Variants in SLC5A4 observed in about 807,000 individuals in gnomAD.
SLC5A4 encodes the protein probable glucose sensor protein SLC5A4.
SLC5A4 carries 55 observed loss-of-function variants against 70.3 expected under a neutral mutation model. The observed-to-expected ratio is 0.78, with a 90% confidence interval of 0.63 to 0.98. SLC5A4 has a LOEUF of 0.98. SLC5A4 is among the 50% of genes least tolerant of loss of function. The pLI, the probability that SLC5A4 is intolerant of heterozygous loss-of-function variation, is 0.00. For missense variants in SLC5A4, 735 were observed against 839.2 expected (o/e 0.88, Z 1.53); for synonymous variants, 268 against 305.7 (o/e 0.88, Z 1.29).
chr22:32,237,968 C>T (rs1926159693), intron 6 of SLC5A4, among the ~76,000 whole-genome samples: 1 of 152,174 alleles, frequency 6.6e-6, no homozygotes, highest in South Asian at 2.1e-4. Context: ...AACACATGCT[C>T]TGTGAAAGTT....
chr22:32,262,299 AG>A, the SLC5A4 span, among the ~76,000 whole-genome samples: 1 of 152,148 alleles, frequency 6.6e-6, no homozygotes, highest in East Asian at 1.9e-4. Flanking sequence ...ATAGTGTGTG[AG>A]GGCTCCAAGG....
rs754784184 is a variant in SLC5A4, at chr22:32,248,742, C to A, written c.372+1G>T. 1 of 1,608,266 alleles carries A rather than the reference C, an allele frequency of 6.2e-7. No individual in the cohort carries two copies. The highest frequency in any genetic ancestry group is 1.7e-5 in the Admixed American group (1 of 60,016). On this transcript the variant is annotated splice_donor_variant, in intron 4 of 14. Transcript: ENST00000266086. LOFTEE classifies it high-confidence loss of function. ...CTGGCATTTTGGTAACAGATACTCACCCCCGACTTGATGTAGATAGGGACA... is the reference window on the plus strand; with the variant it reads ...CTGGCATTTTGGTAACAGATACTCAACCCCGACTTGATGTAGATAGGGACA...
chr22:32,333,086 T>C, the SLC5A4 span, among the ~76,000 whole-genome samples: 4 of 152,014 alleles, frequency 2.6e-5, no homozygotes, highest in African/African-American at 9.7e-5. Flanking sequence ...AAGGGGAAAG[T>C]GAGGCCGAGG....
At chr22:32,310,295 A>C in the SLC5A4 span, among the ~76,000 whole-genome samples, 9 of 152,234 alleles carry the variant, frequency 5.9e-5, no homozygotes, top group East Asian at 1.4e-3. Context: ...TTAAATACCC[A>C]TCTGACTCCT....
chr22:32,322,239 C>A, the SLC5A4 span, among the ~76,000 whole-genome samples: 14 of 152,294 alleles, frequency 9.2e-5, no homozygotes, highest in South Asian at 6.2e-4. Flanking sequence ...CGCGTCCTCA[C>A]CTGCCCTCCT....
At chr22:32,246,120 A>G (rs1006217638) in intron 5 of SLC5A4, among the ~76,000 whole-genome samples, 1 of 152,250 alleles carries the variant, frequency 6.6e-6, no homozygotes. Context: ...ATTTACATGT[A>G]TTGTCATATG....
the SLC5A4 span, chr22:32,327,212 AAAC>A: frequency 6.6e-6 from 1 of 152,406 alleles, no homozygotes; most frequent in Non-Finnish European, 1.5e-5. Context: ...TAGAAGGTGG[AAAC>A]AACAGAAGTT....
At chr22:32,240,022 C>CAATAAA (rs1491569019) in intron 5 of SLC5A4, among the ~76,000 whole-genome samples, 3 of 74,104 alleles carry the variant, frequency 4.0e-5, no homozygotes, top group South Asian at 5.1e-4. Flanking sequence ...GACTCCATCT[C>CAATAAA]AAAAAAAAAA....
At chr22:32,334,746 A>T in the SLC5A4 span, among the ~76,000 whole-genome samples, 1 of 152,214 alleles carries the variant, frequency 6.6e-6, no homozygotes, top group Non-Finnish European at 1.5e-5. Flanking sequence ...GGAGGACGTC[A>T]GCGGCACTCC....
chr22:32,347,738 A>G, the SLC5A4 span, among the ~76,000 whole-genome samples: 1 of 151,250 alleles, frequency 6.6e-6, no homozygotes, highest in Non-Finnish European at 1.5e-5. Context: ...ATAGTATTAG[A>G]AGATATACCT....
the SLC5A4 span, among the ~76,000 whole-genome samples, chr22:32,299,857 T>C: frequency 8.0e-6 from 1 of 124,488 alleles, no homozygotes; most frequent in Non-Finnish European, 1.8e-5. Flanking sequence ...TTCTGTTTGT[T>C]AGTTTTCCTT....
the SLC5A4 span, among the ~76,000 whole-genome samples, chr22:32,292,140 T>TAATATATA: frequency 3.9e-5 from 2 of 50,720 alleles, no homozygotes; most frequent in Non-Finnish European, 4.1e-5. Flanking sequence ...ATATTATATA[T>TAATATATA]TATATTCTAT....
the SLC5A4 span, among the ~76,000 whole-genome samples, chr22:32,295,532 G>A: frequency 1.9e-5 from 2 of 106,660 alleles, 1 homozygote; most frequent in Non-Finnish European, 4.1e-5. Flanking sequence ...ATTTGTTTGA[G>A]TTCATTGTAG....
the SLC5A4 span, among the ~76,000 whole-genome samples, chr22:32,300,219 C>T: frequency 1.3e-5 from 2 of 152,036 alleles, no homozygotes; most frequent in Admixed American, 1.3e-4. Flanking sequence ...TTTACCTAAT[C>T]AAGCCTGGGC....
chr22:32,328,618 T>C, the SLC5A4 span, among the ~76,000 whole-genome samples: 1 of 149,054 alleles, frequency 6.7e-6, no homozygotes, highest in African/African-American at 2.5e-5. Context: ...GCCTTGAGAA[T>C]GACCATAGTC....
At chr22:32,285,123 A>G in the SLC5A4 span, 1 of 152,212 alleles carries the variant, frequency 6.6e-6, no homozygotes, top group South Asian at 2.1e-4. Context: ...AAATTTTATA[A>G]TAAAAGTAGA....
the SLC5A4 span, among the ~76,000 whole-genome samples, chr22:32,333,199 C>CCCCG: frequency 1.9e-4 from 28 of 147,710 alleles, 3 homozygotes; most frequent in South Asian, 5.8e-3. Context: ...CACTGGCACC[C>CCCCG]CCCCCCCAGA....
At chr22:32,341,162 C>T in the SLC5A4 span, among the ~76,000 whole-genome samples, 1 of 152,078 alleles carries the variant, frequency 6.6e-6, no homozygotes, top group Non-Finnish European at 1.5e-5. Context: ...AACAGCTAGT[C>T]TGGATTCAAG....
the SLC5A4 span, among the ~76,000 whole-genome samples, chr22:32,308,844 G>A: frequency 6.6e-6 from 1 of 151,984 alleles, no homozygotes. Flanking sequence ...ACCCATGTAT[G>A]CATATGTATG....
Sources: gnomAD v4.1 joint callset for allele counts (sites outside exome capture counted in the v4.1 genomes callset) on GRCh38, gnomAD v4.1.1 for gene constraint, MANE v1.5 for transcripts, NCBI Gene and HGNC (gene_info 2026-07-23, HGNC 2026-07-21) for gene names.